The following CDH13 variants were observed in gnomAD, a reference collection of about 807,000 sequenced individuals.
CDH13 encodes the protein cadherin-13.
CDH13 carries 24 observed loss-of-function variants against 63.8 expected under a neutral mutation model. The ratio of observed to expected loss-of-function variants is 0.38; its 90% CI spans 0.27 to 0.53. CDH13 has a LOEUF of 0.53. Ranked by LOEUF, CDH13 falls within the 20% of genes least tolerant of loss-of-function variation. The pLI, the probability that CDH13 is intolerant of heterozygous loss-of-function variation, is 0.85. For synonymous variants in CDH13, 503 were observed against 355.3 expected (o/e 1.42, Z -4.67); for missense variants, 1,049 against 903.1 (o/e 1.16, Z -2.07).
At chr16:82,763,552 T>G (rs559776217) in intron 1 of CDH13, among the ~76,000 whole-genome samples, 10 of 152,346 alleles carry the variant, frequency 6.6e-5, no homozygotes, top group African/African-American at 2.2e-4. Flanking sequence ...ACATATTATT[T>G]ACTTAAAAAT....
intron 2 of CDH13, among the ~76,000 whole-genome samples, chr16:82,863,231 T>G (rs2040009397): frequency 6.6e-6 from 1 of 152,170 alleles, no homozygotes; most frequent in South Asian, 2.1e-4. Context: ...ATGAAGTTAG[T>G]CAGTTTAAGC....
At chr16:82,804,330 C>T (rs1223719537) in intron 1 of CDH13, among the ~76,000 whole-genome samples, 3 of 150,288 alleles carry the variant, frequency 2.0e-5, no homozygotes, top group Non-Finnish European at 4.4e-5. Context: ...CATACAAATA[C>T]AAAGAAATAC....
chr16:82,760,904 T>C (rs2034812300), intron 1 of CDH13, among the ~76,000 whole-genome samples: 1 of 150,988 alleles, frequency 6.6e-6, no homozygotes, highest in South Asian at 2.1e-4. Flanking sequence ...GAGGGAGAAC[T>C]CACTCATGAT....
rs4396519 is a variant in CDH13 at position 83,049,324 on chromosome 16, T to C, written c.366+17106T>C. 5.6e-5 allele frequency among the ~76,000 whole-genome samples: 7 copies of C among 124,844 alleles called. 1 individual carries two copies. Among genetic ancestry groups the C allele is most frequent in the East Asian group, 4.5e-4 (2 of 4,436 alleles). The allele number at this position is 124,844 out of a possible 152,430, so 81.9% of individuals were successfully genotyped here. A position where few individuals can be genotyped will look rare whatever the true frequency, so the allele number is the denominator to read the frequency against. On this transcript the variant is annotated intron_variant, in intron 3 of 13. Coordinates refer to ENST00000567109, the MANE Select transcript of CDH13 (RefSeq NM_001257.5). ...AATACTTGGGCATTTATGACTGGCCTCTTTTTTTTTTTTTTTTTTTTTGAG... is the reference window on the plus strand; with the variant it reads ...AATACTTGGGCATTTATGACTGGCCCCTTTTTTTTTTTTTTTTTTTTTGAG...
chr16:83,547,163 C>G (rs1407577875), intron 7 of CDH13, among the ~76,000 whole-genome samples: 1 of 151,988 alleles, frequency 6.6e-6, no homozygotes, highest in Non-Finnish European at 1.5e-5. Context: ...AATGATGGCA[C>G]AAATAAGTGT....
chr16:83,566,533 A>G (rs1294259417), intron 7 of CDH13, among the ~76,000 whole-genome samples: 1 of 137,794 alleles, frequency 7.3e-6, no homozygotes, highest in Non-Finnish European at 1.6e-5. Context: ...TCCCTCTTCC[A>G]CTCTCTCCAT....
chr16:83,020,290 C>T (rs1915225695), intron 2 of CDH13, among the ~76,000 whole-genome samples: 1 of 152,216 alleles, frequency 6.6e-6, no homozygotes, highest in Admixed American at 6.5e-5. Flanking sequence ...GACCTCAGGG[C>T]ATCTGTCACA....
intron 1 of CDH13, among the ~76,000 whole-genome samples, chr16:82,660,437 G>C (rs912492372): frequency 7.2e-6 from 1 of 139,322 alleles, no homozygotes; most frequent in Admixed American, 6.8e-5. Context: ...TGTGCCTGCC[G>C]GGGCGTGCGG....
At chr16:83,386,187 T>A (rs1192423398) in intron 6 of CDH13, among the ~76,000 whole-genome samples, 2 of 152,214 alleles carry the variant, frequency 1.3e-5, no homozygotes, top group African/African-American at 4.8e-5. Context: ...CAGAATCCCA[T>A]GGAAATCTTC....
intron 2 of CDH13, among the ~76,000 whole-genome samples, chr16:82,982,263 A>G (rs569917470): frequency 2.0e-5 from 3 of 152,270 alleles, no homozygotes; most frequent in African/African-American, 2.4e-5. Context: ...TACTTATCTT[A>G]TAAATAATAA....
chr16:83,152,249 T>G (rs2037013725), intron 4 of CDH13, among the ~76,000 whole-genome samples: 1 of 152,188 alleles, frequency 6.6e-6, no homozygotes. Flanking sequence ...AGTGCTCTCT[T>G]GAAAACCACC....
At chr16:83,782,904 C>G in intron 12 of CDH13, among the ~76,000 whole-genome samples, 1 of 152,178 alleles carries the variant, frequency 6.6e-6, no homozygotes, top group Admixed American at 6.5e-5. Context: ...AATAAATTTG[C>G]AGGGAGGAGT....
At chr16:83,704,772 C>T (rs546434698) in intron 10 of CDH13, among the ~76,000 whole-genome samples, 1 of 152,258 alleles carries the variant, frequency 6.6e-6, no homozygotes, top group African/African-American at 2.4e-5. Flanking sequence ...AAAAAAATTT[C>T]CAAAGTTCAA....
chr16:82,731,288 A>G (rs1300246076), intron 1 of CDH13, among the ~76,000 whole-genome samples: 3 of 152,270 alleles, frequency 2.0e-5, no homozygotes, highest in Admixed American at 6.5e-5. Context: ...AAACAGTCAT[A>G]GAATATACAT....
chr16:83,305,529 C>T (rs562291438), intron 5 of CDH13, among the ~76,000 whole-genome samples: 6 of 152,196 alleles, frequency 3.9e-5, no homozygotes, highest in Middle Eastern at 6.8e-3. Flanking sequence ...TACAGCGTTG[C>T]GGTATTATCA....
At chr16:82,840,729 C>A (rs2038975530) in intron 1 of CDH13, among the ~76,000 whole-genome samples, 1 of 150,982 alleles carries the variant, frequency 6.6e-6, no homozygotes, top group African/African-American at 2.4e-5. Flanking sequence ...ATGGAGCAGG[C>A]TAATTCAGGT....
intron 4 of CDH13, among the ~76,000 whole-genome samples, chr16:83,150,522 TC>T (rs2036932604): frequency 6.6e-6 from 1 of 152,182 alleles, no homozygotes; most frequent in Non-Finnish European, 1.5e-5. Context: ...AGATACTGAC[TC>T]ATACATATGA....
chr16:82,733,170 T>G (rs2033489216), intron 1 of CDH13, among the ~76,000 whole-genome samples: 1 of 152,198 alleles, frequency 6.6e-6, no homozygotes, highest in Non-Finnish European at 1.5e-5. Flanking sequence ...CTCAACAATG[T>G]GTCCTCACAT....
At chr16:83,646,772 C>G (rs1204709336) in intron 8 of CDH13, among the ~76,000 whole-genome samples, 1 of 149,360 alleles carries the variant, frequency 6.7e-6, no homozygotes, top group Non-Finnish European at 1.5e-5. Flanking sequence ...TGAGTTAGCT[C>G]AATTCTACCA....
Sources: allele counts gnomAD v4.1 joint callset (sites outside exome capture counted in the v4.1 genomes callset), GRCh38; gene constraint gnomAD v4.1.1; transcripts MANE v1.5; gene names NCBI Gene and HGNC (gene_info 2026-07-23, HGNC 2026-07-21).